The following ST3GAL4 variants were observed in gnomAD, a reference collection of about 807,000 sequenced individuals.
ST3GAL4 encodes ST3 beta-galactoside alpha-2,3-sialyltransferase 4.
In ST3GAL4, 24 loss-of-function variants were observed where a neutral mutation model predicts 42.6. The observed-to-expected ratio is 0.56, with a 90% CI of 0.41 to 0.79. ST3GAL4 has a LOEUF of 0.79. Among genes scored for constraint, ST3GAL4 ranks in the 30% least tolerant of loss-of-function variants. The pLI is 0.00. For synonymous variants in ST3GAL4, 135 were observed against 163.2 expected (o/e 0.83, Z 1.32); for missense variants, 311 against 430.8 (o/e 0.72, Z 2.46).
Position 126,392,182 on chromosome 11 carries a change from TG to T in ST3GAL4, c.-60-13910del, listed in dbSNP as rs1565412543. Reference sequence around the variant, plus strand: ...GAGGCCACATGTACCTTGCGCTTCCTGGGGCTTGGTCCTGGGGTTTCATCTC... The same window carrying T: ...GAGGCCACATGTACCTTGCGCTTCCTGGGCTTGGTCCTGGGGTTTCATCTC... On this transcript the variant is annotated intron_variant, in intron 1 of 10. Transcript: ENST00000444328. This position sits in a 1 kb window ranked among gnomAD's most constrained non-coding sequence, Gnocchi z 5.8. The T allele has an allele frequency of 5.3e-6, 2 of 378,928 alleles. No homozygotes were observed. The highest frequency in any genetic ancestry group is 7.3e-6 in the Non-Finnish European group (2 of 275,694). The allele number at this position is 378,928 out of a possible 1,614,324, so 23.5% of individuals were successfully genotyped here.
At chr11:126,395,813 C>G (rs1953726460) in intron 1 of ST3GAL4, among the ~76,000 whole-genome samples, 1 of 152,104 alleles carries the variant, frequency 6.6e-6, no homozygotes. Context: ...ACTTCTTTTT[C>G]TTTATTAATT....
rs576189459 is a variant in ST3GAL4 at position 126,362,808 on chromosome 11, A to G, written c.-61+6966A>G. 5.3e-5 allele frequency among the ~76,000 whole-genome samples: 8 copies of G among 152,358 alleles called. No homozygotes were observed. The South Asian group carries it at 8.3e-4, about 16-fold the overall frequency. ...ACGTCTCACAGCCTGGTGATGGACA[A>G]ACAAAACAAACATTTTTTAGGCTGG... On this transcript the variant is annotated intron_variant, in intron 1 of 10. Coordinates refer to ENST00000444328, the MANE Select transcript of ST3GAL4 (RefSeq NM_001254757.2).
chr11:126,365,908 G>A (rs948392750), intron 1 of ST3GAL4, among the ~76,000 whole-genome samples: 13 of 152,156 alleles, frequency 8.5e-5, no homozygotes, highest in African/African-American at 2.9e-4. Context: ...CAGTACCCTC[G>A]GCCAAATGGC....
Position 126,396,339 on chromosome 11 carries a change from C to T in ST3GAL4, c.-60-9757C>T, listed in dbSNP as rs1953759285. Among the ~76,000 whole-genome samples the T allele has an allele frequency of 1.3e-5, 2 of 152,050 alleles. No homozygotes were observed. The highest frequency in any genetic ancestry group is 2.4e-5 in the African/African-American group (1 of 41,316). ...GTTCGGCAGGGAAGCCAGAGGAGTC[C>T]GCAGCCCGGGAGACCTGGCCTACAG... On this transcript the variant is annotated intron_variant, in intron 1 of 10. Transcript: ENST00000444328. This position sits in a 1 kb window ranked among gnomAD's most constrained non-coding sequence, Gnocchi z 5.8.
intron 1 of ST3GAL4, among the ~76,000 whole-genome samples, chr11:126,369,372 C>G (rs532319484): frequency 6.6e-6 from 1 of 152,034 alleles, no homozygotes; most frequent in Non-Finnish European, 1.5e-5. Context: ...CTCAGCCTCC[C>G]GAGTAGCTGG....
At position 126,391,936 on chromosome 11, in the gene ST3GAL4, C is replaced by CGTGTGTGTGT. The variant is rs111958228; in HGVS notation, c.-60-14133_-60-14124dup. 1.8e-4 allele frequency among the ~76,000 whole-genome samples: 26 copies of CGTGTGTGTGT among 144,392 alleles called. No homozygotes were observed. Among genetic ancestry groups the CGTGTGTGTGT allele is most frequent in the Non-Finnish European group, 2.4e-4 (16 of 66,140 alleles). The allele number at this position is 144,392 out of a possible 152,430, so 94.7% of individuals were successfully genotyped here. A position where few individuals can be genotyped will look rare whatever the true frequency, so the allele number is the denominator to read the frequency against. On this transcript the variant is annotated intron_variant, in intron 1 of 10. Transcript: ENST00000444328. The surrounding 1 kb of genome is among the most constrained non-coding windows in gnomAD (Gnocchi z 5.5). ...CTCAGAACACCTGTGATAACTTGGT[C>CGTGTGTGTGT]GTGTGTGTGTGTGTGTGTGTGTGTG...
At chr11:126,413,842 C>T (rs1591502427) in intron 10 of ST3GAL4, 119 bp from the exon 11 acceptor site, 3 of 1,416,170 alleles carry the variant, frequency 2.1e-6, no homozygotes, top group East Asian at 4.7e-5. Context: ...TTCCAAGAGC[C>T]AGCCTGGGGA....
Position 126,406,447 on chromosome 11 carries a change from A to T in ST3GAL4, c.17-26A>T. The T allele has an allele frequency of 6.2e-7, 1 of 1,614,082 alleles. No homozygotes were observed. Among genetic ancestry groups the T allele is most frequent in the Non-Finnish European group, 8.5e-7 (1 of 1,180,002 alleles). ...GTTGTACCTGCCTGTTGCTGCCTCT[A>T]GCTCCTCTCTGCATGTGTCCTGCAG... is the stretch of plus-strand genomic sequence containing the variant. On this transcript the variant is annotated intron_variant, in intron 2 of 10. Transcript: ENST00000444328. This position sits in a 1 kb window ranked among gnomAD's most constrained non-coding sequence, Gnocchi z 5.4.
chr11:126,401,264 C>T (rs918584751), intron 1 of ST3GAL4, among the ~76,000 whole-genome samples: 16 of 151,892 alleles, frequency 1.1e-4, no homozygotes, highest in African/African-American at 3.1e-4. Context: ...ACAGTGCCCC[C>T]GAGAATGCCA....
At chr11:126,401,601 G>GCAGCAGAGCCTACTGTC (rs1283903208) in intron 1 of ST3GAL4, among the ~76,000 whole-genome samples, 1 of 146,180 alleles carries the variant, frequency 6.8e-6, no homozygotes, top group Non-Finnish European at 1.5e-5. Flanking sequence ...GTGGGCCCCG[G>GCAGCAGAGCCTACTGTC]CAGCAGAGCC....
rs1449513422 is a variant in ST3GAL4, at chr11:126,400,102, C to G, written c.-60-5994C>G. 6.6e-6 allele frequency among the ~76,000 whole-genome samples: 1 copy of G among 152,014 alleles called. No homozygotes were observed. Among genetic ancestry groups the G allele is most frequent in the East Asian group, 1.9e-4 (1 of 5,194 alleles). On this transcript the variant is annotated intron_variant, in intron 1 of 10. Coordinates refer to ENST00000444328, the MANE Select transcript of ST3GAL4 (RefSeq NM_001254757.2). The surrounding 1 kb of genome is among the most constrained non-coding windows in gnomAD (Gnocchi z 4.6). The stretch of plus-strand genomic sequence containing the variant: ...CCACTTCTTGGCACCAATTTTCTGT[C>G]TTAGTCCATTTTGTGCTGCTGTAAC...
chr11:126,371,753 G>A (rs571082609), intron 1 of ST3GAL4, among the ~76,000 whole-genome samples: 6 of 152,202 alleles, frequency 3.9e-5, no homozygotes, highest in South Asian at 2.1e-4. Flanking sequence ...TGAATGGGGT[G>A]TCCCGTACAA....
At position 126,386,431 on chromosome 11, in the gene ST3GAL4, G is replaced by A. The variant is rs1953229832; in HGVS notation, c.-60-19665G>A. On this transcript the variant is annotated intron_variant, in intron 1 of 10. Coordinates refer to ENST00000444328, the MANE Select transcript of ST3GAL4 (RefSeq NM_001254757.2). The surrounding 1 kb of genome is among the most constrained non-coding windows in gnomAD (Gnocchi z 4.7). ...TGACCTGTCCAGCCTCACAGTCTGG[G>A]GAGGCCTTGGGGTCCCCAGCCTGTG... 6.6e-6 allele frequency among the ~76,000 whole-genome samples: 1 copy of A among 152,048 alleles called. No homozygotes were observed. The highest frequency in any genetic ancestry group is 1.5e-5 in the Non-Finnish European group (1 of 68,020).
At chr11:126,362,040 C>G (rs976684465) in intron 1 of ST3GAL4, among the ~76,000 whole-genome samples, 5 of 151,436 alleles carry the variant, frequency 3.3e-5, no homozygotes, top group Non-Finnish European at 7.4e-5. Context: ...TGCCACTACT[C>G]CTGGCTAATT....
rs562277214 is a variant in ST3GAL4 at position 126,396,208 on chromosome 11, C to T, written c.-60-9888C>T. On this transcript the variant is annotated intron_variant, in intron 1 of 10. Transcript: ENST00000444328. The surrounding 1 kb of genome is among the most constrained non-coding windows in gnomAD (Gnocchi z 5.8). ...TCCCCTCTAGAACGTGGGCAGCGGACACTAAGCCGAGAGGAATCGCTGTGG... is the reference window on the plus strand; with the variant it reads ...TCCCCTCTAGAACGTGGGCAGCGGATACTAAGCCGAGAGGAATCGCTGTGG... 3.0e-3 allele frequency among the ~76,000 whole-genome samples: 449 copies of T among 152,036 alleles called. 8 individuals are homozygous for T. The highest frequency in any genetic ancestry group is 5.1e-4 in the Non-Finnish European group (35 of 68,012).
chr11:126,392,173 T>G lies in ST3GAL4; in HGVS notation c.-60-13923T>G, dbSNP rs1953545570. On this transcript the variant is annotated intron_variant, in intron 1 of 10. Transcript: ENST00000444328. The surrounding 1 kb of genome is among the most constrained non-coding windows in gnomAD (Gnocchi z 5.8). Reference sequence around the variant, plus strand: ...CTCCTCCTGGAGGCCACATGTACCTTGCGCTTCCTGGGGCTTGGTCCTGGG... The same window carrying G: ...CTCCTCCTGGAGGCCACATGTACCTGGCGCTTCCTGGGGCTTGGTCCTGGG... The G allele has an allele frequency of 6.8e-6, 2 of 292,008 alleles. No homozygotes were observed. The highest frequency in any genetic ancestry group is 2.3e-5 in the African/African-American group (1 of 43,848). The allele number at this position is 292,008 out of a possible 1,614,324, so 18.1% of individuals were successfully genotyped here.
At position 126,363,456 on chromosome 11, in the gene ST3GAL4, C is replaced by T. The variant is rs570779385; in HGVS notation, c.-61+7614C>T. Among the ~76,000 whole-genome samples the T allele has an allele frequency of 6.6e-6, 1 of 152,276 alleles. No individual in the cohort carries two copies. Among genetic ancestry groups the T allele is most frequent in the Admixed American group, 6.5e-5 (1 of 15,292 alleles). ...TGGAGGCCGGGAATGTTCAGGAGAG[C>T]CTTCATTGGGAGCCCATGGGAGCAG... On this transcript the variant is annotated intron_variant, in intron 1 of 10. Transcript: ENST00000444328. The surrounding 1 kb of genome is among the most constrained non-coding windows in gnomAD (Gnocchi z 4.6).
Position 126,406,497 on chromosome 11 carries a change from C to G in ST3GAL4, c.41C>G (p.Ala14Gly). 1 of 1,614,204 alleles carries G rather than the reference C, an allele frequency of 6.2e-7. No homozygotes were observed. Among genetic ancestry groups the G allele is most frequent in the Non-Finnish European group, 8.5e-7 (1 of 1,180,026 alleles). Reference protein sequence around the residue: ...KSRWKLLAMLALVLVVMVWYS... With the variant: ...KSRWKLLAMLGLVLVVMVWYS... ...GGCTGGAAGCTCCTGGCCATGTTGG[C>G]TCTGGTCCTGGTCGTCATGGTGTGG... Residue 14 changes from alanine to glycine, a missense_variant, in exon 3 of 11, where the codon GCT becomes GGT. Coordinates refer to ENST00000444328, the MANE Select transcript of ST3GAL4 (RefSeq NM_001254757.2). The surrounding 1 kb of genome is among the most constrained non-coding windows in gnomAD (Gnocchi z 5.4).
intron 1 of ST3GAL4, among the ~76,000 whole-genome samples, chr11:126,369,236 TTCTC>T (rs571045026): frequency 7.3e-5 from 11 of 150,958 alleles, no homozygotes; most frequent in Admixed American, 6.6e-4. Context: ...GCCTTTTTCT[TTCTC>T]TCTCTCTCTT....
Sources: allele counts gnomAD v4.1 joint callset (sites outside exome capture counted in the v4.1 genomes callset), GRCh38; gene constraint gnomAD v4.1.1; non-coding constraint Gnocchi (gnomAD v3.1); transcripts MANE v1.5; gene names NCBI Gene and HGNC (gene_info 2026-07-23, HGNC 2026-07-21).